Variants in B3GALT1 observed in about 807,000 individuals in gnomAD.
B3GALT1 encodes the protein beta-1,3-galactosyltransferase 1, also known as UDP-Gal:betaGlcNAc beta 1,3-galactosyltransferase, polypeptide 1.
B3GALT1 carries 10 observed loss-of-function variants against 23.2 expected under a neutral mutation model. That is an observed-to-expected ratio of 0.43 (90% CI 0.27 to 0.73). B3GALT1 has a LOEUF of 0.73. Ranked by LOEUF, B3GALT1 falls within the 30% of genes least tolerant of loss-of-function variation. The pLI is 0.21. For synonymous variants in B3GALT1, 156 were observed against 141.5 expected (o/e 1.10, Z -0.73); for missense variants, 299 against 405.4 (o/e 0.74, Z 2.25).
intron 1 of B3GALT1, among the ~76,000 whole-genome samples, chr2:167,339,483 T>A (rs957784003): frequency 6.6e-6 from 1 of 152,052 alleles, no homozygotes; most frequent in African/African-American, 2.4e-5. Flanking sequence ...TCCAACATAA[T>A]GAATAATTTG....
chr2:167,703,797 A>T (rs1686919941), intron 3 of B3GALT1, among the ~76,000 whole-genome samples: 2 of 152,198 alleles, frequency 1.3e-5, no homozygotes, highest in African/African-American at 2.4e-5. Context: ...AACTAGAGCA[A>T]TACAAAATAA....
chr2:167,412,981 A>ATTGGAATACAT (rs1202760736), intron 1 of B3GALT1, among the ~76,000 whole-genome samples: 2 of 152,140 alleles, frequency 1.3e-5, no homozygotes, highest in Non-Finnish European at 2.9e-5. Flanking sequence ...TACATATTGT[A>ATTGGAATACAT]ATTCCATCTA....
intron 1 of B3GALT1, among the ~76,000 whole-genome samples, chr2:167,402,598 A>G (rs1393588453): frequency 6.6e-6 from 1 of 152,148 alleles, no homozygotes; most frequent in Non-Finnish European, 1.5e-5. Context: ...CAAAATACCT[A>G]GGAGGTAGGT....
chr2:167,401,416 G>A (rs948073581), intron 1 of B3GALT1, among the ~76,000 whole-genome samples: 27 of 151,906 alleles, frequency 1.8e-4, no homozygotes, highest in African/African-American at 6.5e-4. Context: ...TTCCACATTG[G>A]GTCCTTCTGT....
chr2:167,499,666 C>T lies in B3GALT1; in HGVS notation c.-410+9389C>T, dbSNP rs1357081292. Among the ~76,000 whole-genome samples, 10 of 152,180 alleles carry T rather than the reference C, an allele frequency of 6.6e-5. No homozygotes were observed. The East Asian group carries it at 1.5e-3, about 24-fold the overall frequency. On this transcript the variant is annotated intron_variant, in intron 2 of 4. Coordinates refer to ENST00000392690, the MANE Select transcript of B3GALT1 (RefSeq NM_020981.4). ...TAATTTTTATAAGCACAGAAATATG[C>T]ATGGATTTTTCCCCCTTCCACCGTC...
At chr2:167,514,051 C>T (rs980721368) in intron 2 of B3GALT1, among the ~76,000 whole-genome samples, 4 of 152,062 alleles carry the variant, frequency 2.6e-5, no homozygotes, top group South Asian at 2.1e-4. Flanking sequence ...GAATTACAGG[C>T]GCCCACCACC....
At chr2:167,570,069 T>C (rs1192579493) in intron 2 of B3GALT1, among the ~76,000 whole-genome samples, 1 of 151,930 alleles carries the variant, frequency 6.6e-6, no homozygotes, top group East Asian at 1.9e-4. Flanking sequence ...TTTGGTTTGC[T>C]AATATTTTGT....
chr2:167,542,122 A>C (rs1446788361), intron 2 of B3GALT1, among the ~76,000 whole-genome samples: 1 of 150,660 alleles, frequency 6.6e-6, no homozygotes, highest in African/African-American at 2.5e-5. Flanking sequence ...GAATCCCATC[A>C]CATATTTTAT....
At chr2:167,404,258 A>T (rs907433897) in intron 1 of B3GALT1, among the ~76,000 whole-genome samples, 11 of 152,094 alleles carry the variant, frequency 7.2e-5, no homozygotes, top group African/African-American at 2.7e-4. Flanking sequence ...CCAGGATGAC[A>T]CCAAGTCATT....
intron 3 of B3GALT1, among the ~76,000 whole-genome samples, chr2:167,748,235 T>C (rs757296845): frequency 2.0e-5 from 3 of 152,146 alleles, no homozygotes; most frequent in Non-Finnish European, 4.4e-5. Context: ...AAATAACTTA[T>C]TCAGCCATTG....
intron 2 of B3GALT1, among the ~76,000 whole-genome samples, chr2:167,548,598 T>G (rs1445822554): frequency 6.6e-6 from 1 of 151,980 alleles, no homozygotes. Context: ...ACAGTGAGAA[T>G]GCAAGCATCA....
At chr2:167,505,718 A>G (rs1186937546) in intron 2 of B3GALT1, among the ~76,000 whole-genome samples, 1 of 152,146 alleles carries the variant, frequency 6.6e-6, no homozygotes, top group Non-Finnish European at 1.5e-5. Context: ...AAATAATACA[A>G]CTGGGAAAAA....
chr2:167,584,121 T>C (rs1192844069), intron 2 of B3GALT1, among the ~76,000 whole-genome samples: 1 of 152,128 alleles, frequency 6.6e-6, no homozygotes, highest in Non-Finnish European at 1.5e-5. Flanking sequence ...TTTTTCCCAC[T>C]TTTCATCACA....
At chr2:167,567,673 G>A (rs1484275991) in intron 2 of B3GALT1, among the ~76,000 whole-genome samples, 2 of 151,816 alleles carry the variant, frequency 1.3e-5, no homozygotes, top group African/African-American at 2.4e-5. Context: ...AGCCTTCCCC[G>A]TTATCAACAT....
At chr2:167,497,430 A>AT (rs1244236986) in intron 2 of B3GALT1, among the ~76,000 whole-genome samples, 3 of 152,206 alleles carry the variant, frequency 2.0e-5, no homozygotes, top group African/African-American at 7.2e-5. Flanking sequence ...CAAAAGCCAC[A>AT]TTTTAAATTT....
At chr2:167,679,122 G>GTTTTTTTGTTTTTGTTT (rs1553478340) in intron 3 of B3GALT1, among the ~76,000 whole-genome samples, 1 of 145,036 alleles carries the variant, frequency 6.9e-6, no homozygotes, top group African/African-American at 2.5e-5. Context: ...TTTTGTTTTT[G>GTTTTTTTGTTTTTGTTT]TTTTTTTTTT....
chr2:167,443,011 C>G (rs1698919744), intron 1 of B3GALT1, among the ~76,000 whole-genome samples: 1 of 151,852 alleles, frequency 6.6e-6, no homozygotes, highest in African/African-American at 2.4e-5. Flanking sequence ...GGTTTTAGGT[C>G]TAAGTTTAAG....
At chr2:167,540,087 A>G (rs1478671692) in intron 2 of B3GALT1, among the ~76,000 whole-genome samples, 4 of 152,082 alleles carry the variant, frequency 2.6e-5, no homozygotes, top group Non-Finnish European at 5.9e-5. Flanking sequence ...AACACTAGTC[A>G]TCTTTCTCTT....
intron 1 of B3GALT1, among the ~76,000 whole-genome samples, chr2:167,363,888 A>G (rs1697540918): frequency 6.6e-6 from 1 of 152,032 alleles, no homozygotes; most frequent in African/African-American, 2.4e-5. Context: ...GCTGGGTGCA[A>G]TGGCTCACAC....
Sources: gnomAD v4.1 joint callset for allele counts (sites outside exome capture counted in the v4.1 genomes callset) on GRCh38, gnomAD v4.1.1 for gene constraint, MANE v1.5 for transcripts, NCBI Gene and HGNC (gene_info 2026-07-23, HGNC 2026-07-21) for gene names.